The following SPTB variants were observed in gnomAD, a reference collection of about 807,000 sequenced individuals.
The protein encoded by SPTB is spectrin beta, erythrocytic, also known as spectrin beta chain, erythrocytic.
Under a neutral mutation model 256.2 loss-of-function variants are expected in SPTB, and 45 were observed. That is an observed-to-expected ratio of 0.18 (90% CI 0.14 to 0.23). The LOEUF is 0.23. Ranked by LOEUF, SPTB falls within the 10% of genes least tolerant of loss-of-function variation. SPTB has a pLI of 1.00. For missense variants in SPTB, 2,715 were observed against 3,040.4 expected (o/e 0.89, Z 2.52); for synonymous variants, 1,231 against 1,243.1 (o/e 0.99, Z 0.21).
rs1230388678 is a variant in SPTB at position 64,764,272 on chromosome 14, G to A, written c.6345+2454C>T. ...AGAGCCAGGTTGGGCTTTCCCGACAGGCTCTGTCCTCCTCTTTCTTGCATC... is the reference window on the plus strand; with the variant it reads ...AGAGCCAGGTTGGGCTTTCCCGACAAGCTCTGTCCTCCTCTTTCTTGCATC... On this transcript the variant is annotated intron_variant, in intron 32 of 35. Transcript: ENST00000644917. This position sits in a 1 kb window ranked among gnomAD's most constrained non-coding sequence, Gnocchi z 4.2. Among the ~76,000 whole-genome samples the A allele has an allele frequency of 6.6e-6, 1 of 152,244 alleles. No individual in the cohort carries two copies. Among genetic ancestry groups the A allele is most frequent in the East Asian group, 1.9e-4 (1 of 5,188 alleles).
At chr14:64,788,376 C>T (rs1033296880) in intron 15 of SPTB, among the ~76,000 whole-genome samples, 4 of 152,272 alleles carry the variant, frequency 2.6e-5, no homozygotes, top group Middle Eastern at 6.8e-3. Flanking sequence ...GGTGTGACAA[C>T]AGCAGCCAGT....
chr14:64,769,125 G>A lies in SPTB; in HGVS notation c.5938-7C>T, dbSNP rs1287244744. On this transcript the variant is annotated splice_polypyrimidine_tract_variant and splice_region_variant and intron_variant, in intron 28 of 35. Transcript: ENST00000644917. ...GCTGCAGTTTCTCGCGGATCTATGG[G>A]GAGGAAAGGGAGAAAAGCTCAGGCT... The A allele has an allele frequency of 2.2e-5, 35 of 1,613,100 alleles. No homozygotes were observed. The highest frequency in any genetic ancestry group is 2.8e-5 in the Non-Finnish European group (33 of 1,179,664).
intron 1 of SPTB, among the ~76,000 whole-genome samples, chr14:64,849,871 C>T (rs1183577414): frequency 6.6e-6 from 1 of 152,158 alleles, no homozygotes; most frequent in African/African-American, 2.4e-5. Context: ...AGAGTATTAA[C>T]CCATCTTATG....
intron 1 of SPTB, among the ~76,000 whole-genome samples, chr14:64,857,738 A>G (rs1448884531): frequency 2.0e-5 from 3 of 152,090 alleles, no homozygotes; most frequent in African/African-American, 7.2e-5. Flanking sequence ...TAATTACTCT[A>G]TTTACTATTG....
At chr14:64,846,076 G>GT (rs1480962898) in intron 1 of SPTB, among the ~76,000 whole-genome samples, 5 of 152,202 alleles carry the variant, frequency 3.3e-5, no homozygotes, top group African/African-American at 1.2e-4. Flanking sequence ...TATCACCCCT[G>GT]TGATCAGGAT....
rs370244120 is a variant in SPTB, at chr14:64,766,255, GGTGT to G, written c.6345+467_6345+470del. 2.6e-3 allele frequency: 1,006 copies of G among 389,182 alleles called. 7 individuals carry two copies. Among genetic ancestry groups the G allele is most frequent in the African/African-American group, 0.02 (933 of 47,354 alleles). The allele number at this position is 389,182 out of a possible 1,614,324, so 24.1% of individuals were successfully genotyped here. On this transcript the variant is annotated intron_variant, in intron 32 of 35. Coordinates refer to ENST00000644917, the MANE Select transcript of SPTB (RefSeq NM_001355436.2). ...GGGGTGTGTGGTGTGTGTGCATGTG[GGTGT>G]GTATTTGTGTGTGCATGCATGTGTG...
chr14:64,828,780 C>A (rs912702342), intron 1 of SPTB, among the ~76,000 whole-genome samples: 1 of 152,122 alleles, frequency 6.6e-6, no homozygotes, highest in Non-Finnish European at 1.5e-5. Flanking sequence ...TTCCCTTATT[C>A]CATGAGGACT....
At chr14:64,836,766 C>T (rs2083529073) in intron 1 of SPTB, among the ~76,000 whole-genome samples, 2 of 152,202 alleles carry the variant, frequency 1.3e-5, no homozygotes, top group Non-Finnish European at 2.9e-5. Flanking sequence ...AAGTGCCTTG[C>T]ACATGGTAGG....
chr14:64,791,962 C>T, intron 14 of SPTB, 106 bp from the exon 15 acceptor site: 1 of 1,476,574 alleles, frequency 6.8e-7, no homozygotes. Context: ...CTTTCTCCTT[C>T]CACTGCCTAA....
In SPTB at chr14:64,796,722, A is replaced by G. The variant is rs769382120; in HGVS notation, c.1183-7T>C. 12 of 1,614,024 alleles carry G rather than the reference A, an allele frequency of 7.4e-6. No homozygotes were observed. The highest frequency in any genetic ancestry group is 2.7e-5 in the African/African-American group (2 of 74,908). ...CCTCCAGGCTTTCCCAGGCCTGCAC[A>G]AAGGATGGAATGAGAATTCTTGGGG... On this transcript the variant is annotated splice_polypyrimidine_tract_variant and splice_region_variant and intron_variant, in intron 10 of 35. Coordinates refer to ENST00000644917, the MANE Select transcript of SPTB (RefSeq NM_001355436.2). The surrounding 1 kb of genome is among the most constrained non-coding windows in gnomAD (Gnocchi z 4.1).
rs753297883 is a variant in SPTB, at chr14:64,784,342, C to A, written c.3907G>T (p.Asp1303Tyr). ...TTATTGTGAAGGTTTCGTGCTTCAT[C>A]ATAGGAGACATCCTGAGATGTCAGC... ...KLLTSQDVSY[D>Y]EARNLHNKWL... The change falls in exon 19 of 36, where the codon GAT (aspartate) becomes TAT (tyrosine). Residue 1303 changes from aspartate (D) to tyrosine (Y), a missense_variant. This residue lies in a region of SPTB where 2,239 missense variants were observed against 2,384.4 expected (regional missense o/e 0.94). Transcript: ENST00000644917. The A allele has an allele frequency of 6.2e-7, 1 of 1,614,266 alleles. No homozygotes were observed. The highest frequency in any genetic ancestry group is 8.5e-7 in the Non-Finnish European group (1 of 1,180,052).
In SPTB at chr14:64,753,596, C is replaced by T; in HGVS notation, c.6543G>A (p.Met2181Ile). ...CATGCTTGCGGCCCAGGTAGCCTTC[C>T]ATCTGCACACTCTGCCCATGGTCCC... ...APRDHGQSVQMEGYLGRKHDL... is the reference protein window; with the variant it reads ...APRDHGQSVQIEGYLGRKHDL... Residue 2181 changes from methionine to isoleucine, a missense_variant, in exon 33 of 36, where the codon ATG (methionine) becomes ATA (isoleucine). Met to Ile is a conservative substitution (Grantham distance 10, BLOSUM62 1). This residue lies in a region of SPTB where 2,239 missense variants were observed against 2,384.4 expected (regional missense o/e 0.94). Transcript: ENST00000644917. 1.2e-6 allele frequency: 2 copies of T among 1,613,636 alleles called. No homozygotes were observed. Among genetic ancestry groups the T allele is most frequent in the South Asian group, 1.1e-5 (1 of 91,074 alleles).
In SPTB at chr14:64,827,852, G is replaced by A. The variant is rs1015596751; in HGVS notation, c.-51-4707C>T. Among the ~76,000 whole-genome samples, 7 of 152,152 alleles carry A rather than the reference G, an allele frequency of 4.6e-5. No individual in the cohort carries two copies. The highest frequency in any genetic ancestry group is 1.7e-4 in the African/African-American group (7 of 41,424). On this transcript the variant is annotated intron_variant, in intron 1 of 35. Coordinates refer to ENST00000644917, the MANE Select transcript of SPTB (RefSeq NM_001355436.2). This position sits in a 1 kb window ranked among gnomAD's most constrained non-coding sequence, Gnocchi z 4.6. ...CAATATGGCTAAGACTGAGCATGGG[G>A]CTACCAGGACAGCAGAACCAGGGAG...
rs772453226 is a variant in SPTB at position 64,772,532 on chromosome 14, G to C, written c.5553+48C>G. ...ACAGCCAGGTGGGGACTGACACCCA[G>C]GGCTCCTGGAAATTGGTAGCAGGTG... On this transcript the variant is annotated intron_variant, in intron 26 of 35. Transcript: ENST00000644917. This position sits in a 1 kb window ranked among gnomAD's most constrained non-coding sequence, Gnocchi z 5.4. 4.4e-6 allele frequency: 7 copies of C among 1,595,790 alleles called. No individual in the cohort carries two copies. Among genetic ancestry groups the C allele is most frequent in the Non-Finnish European group, 5.9e-6 (7 of 1,178,746 alleles).
In SPTB at chr14:64,802,727, C is replaced by T. The variant is rs181457057; in HGVS notation, c.475-410G>A. Among the ~76,000 whole-genome samples, 23 of 152,316 alleles carry T rather than the reference C, an allele frequency of 1.5e-4. No individual in the cohort carries two copies. The East Asian group carries it at 4.0e-3, about 27-fold the overall frequency. ...GCCCTCAAGGAGTAGCCGCCAGCCC[C>T]GCAGCAACACCACATCCTGAGGCCC... On this transcript the variant is annotated intron_variant, in intron 4 of 35. Transcript: ENST00000644917. The surrounding 1 kb of genome is among the most constrained non-coding windows in gnomAD (Gnocchi z 5.1).
At chr14:64,774,115 C>T (rs529468046) in intron 24 of SPTB, among the ~76,000 whole-genome samples, 5 of 152,316 alleles carry the variant, frequency 3.3e-5, no homozygotes, top group South Asian at 4.1e-4. Context: ...TGTAACCCTT[C>T]GGAAAATTGG....
At chr14:64,788,244 C>G (rs1047263561) in intron 15 of SPTB, among the ~76,000 whole-genome samples, 1 of 152,196 alleles carries the variant, frequency 6.6e-6, no homozygotes, top group African/African-American at 2.4e-5. Flanking sequence ...AGTGCCTCCA[C>G]TGGAGTGACC....
In SPTB at chr14:64,847,566, T is replaced by C. The variant is rs1566800696; in HGVS notation, c.-51-24421A>G. 6.6e-6 allele frequency among the ~76,000 whole-genome samples: 1 copy of C among 151,950 alleles called. No homozygotes were observed. Among genetic ancestry groups the C allele is most frequent in the Non-Finnish European group, 1.5e-5 (1 of 68,004 alleles). On this transcript the variant is annotated intron_variant, in intron 1 of 35. Coordinates refer to ENST00000644917, the MANE Select transcript of SPTB (RefSeq NM_001355436.2). The surrounding 1 kb of genome is among the most constrained non-coding windows in gnomAD (Gnocchi z 5.9). ...CAGAACGTCAACTCAGAAGAAGAAA[T>C]CCAGGGCCTGGGAGCAACCACCACA... is the stretch of plus-strand genomic sequence containing the variant.
Position 64,853,408 on chromosome 14 carries a change from G to A in SPTB, c.-52+26384C>T, listed in dbSNP as rs947906000. On this transcript the variant is annotated intron_variant, in intron 1 of 35. Transcript: ENST00000644917. The surrounding 1 kb of genome is among the most constrained non-coding windows in gnomAD (Gnocchi z 4.3). The stretch of plus-strand genomic sequence containing the variant: ...CATCAAAGAACAAAGCAATTTAGGA[G>A]ATAACCATATCAGGAAGCCTCAGGG... Among the ~76,000 whole-genome samples, 2 of 152,154 alleles carry A rather than the reference G, an allele frequency of 1.3e-5. No homozygotes were observed. The highest frequency in any genetic ancestry group is 2.9e-5 in the Non-Finnish European group (2 of 68,034).
Sources: gnomAD v4.1 joint callset for allele counts (sites outside exome capture counted in the v4.1 genomes callset) on GRCh38, gnomAD v4.1.1 for gene constraint, gnomAD v4.1.1 regional missense constraint, Gnocchi (gnomAD v3.1) non-coding constraint, MANE v1.5 for transcripts, NCBI Gene and HGNC (gene_info 2026-07-23, HGNC 2026-07-21) for gene names.